The following PLAG1 variants were observed in gnomAD, a reference collection of about 807,000 sequenced individuals.
PLAG1 encodes the protein zinc finger protein PLAG1.
A neutral mutation model predicts 35.5 loss-of-function variants in PLAG1; 7 were observed. The observed-to-expected ratio is 0.20, with a 90% CI of 0.11 to 0.37. The LOEUF is 0.37. Among genes scored for constraint, PLAG1 ranks in the 10% least tolerant of loss-of-function variants. PLAG1 has a pLI of 1.00. For synonymous variants in PLAG1, 229 were observed against 225.4 expected (o/e 1.02, Z -0.14); for missense variants, 454 against 602.8 (o/e 0.75, Z 2.58).
At chr8:56,193,452 A>G (rs960496269) in intron 1 of PLAG1, among the ~76,000 whole-genome samples, 1 of 152,222 alleles carries the variant, frequency 6.6e-6, no homozygotes, top group Non-Finnish European at 1.5e-5. Context: ...GGGTACATAA[A>G]AAAAGCTGGT....
chr8:56,191,857 C>A (rs1480429103), intron 1 of PLAG1, among the ~76,000 whole-genome samples: 1 of 148,858 alleles, frequency 6.7e-6, no homozygotes, highest in East Asian at 2.0e-4. Flanking sequence ...TCTGAACTGC[C>A]AAAGTAGACA....
In PLAG1 at chr8:56,165,655, G is replaced by A. The variant is rs908637277; in HGVS notation, c.*588C>T. ...TCCTTAAAGGCTCATAATAAAGATGGCAAATATTTTAGCCAGACAACAGGG... is the reference window on the plus strand; with the variant it reads ...TCCTTAAAGGCTCATAATAAAGATGACAAATATTTTAGCCAGACAACAGGG... On this transcript the variant is annotated 3_prime_UTR_variant, in exon 5 of 5. Transcript: ENST00000316981. 5.1e-6 allele frequency: 1 copy of A among 197,928 alleles called. No individual in the cohort carries two copies. Among genetic ancestry groups the A allele is most frequent in the Non-Finnish European group, 1.0e-5 (1 of 95,634 alleles). 12.3% of individuals were successfully genotyped at this position (197,928 alleles called of 1,614,324 possible). A position where few individuals can be genotyped will look rare whatever the true frequency, so the allele number is the denominator to read the frequency against.
Position 56,162,745 on chromosome 8 carries a change from T to C in PLAG1, c.*3498A>G. On this transcript the variant is annotated 3_prime_UTR_variant, in exon 5 of 5. Transcript: ENST00000316981. ...AATATGTACTCTTTAACATTCATTA[T>C]TAGCTTAATAAAGCAATCGGCTCTG... 4.7e-6 allele frequency: 1 copy of C among 210,578 alleles called. No individual in the cohort carries two copies. The highest frequency in any genetic ancestry group is 7.2e-5 in the East Asian group (1 of 13,908). 13.0% of individuals were successfully genotyped at this position (210,578 alleles called of 1,614,324 possible). A position where few individuals can be genotyped will look rare whatever the true frequency, so the allele number is the denominator to read the frequency against.
intron 1 of PLAG1, chr8:56,209,214 A>G (rs2129236730): frequency 6.6e-6 from 1 of 152,380 alleles, no homozygotes; most frequent in African/African-American, 2.4e-5. Flanking sequence ...TACACCACAC[A>G]CCTTAAACTA....
At chr8:56,192,168 G>A (rs962173619) in intron 1 of PLAG1, among the ~76,000 whole-genome samples, 1 of 152,212 alleles carries the variant, frequency 6.6e-6, no homozygotes, top group African/African-American at 2.4e-5. Flanking sequence ...GCACTCCTGT[G>A]TACTACCAGC....
chr8:56,198,847 T>A (rs866077641), intron 1 of PLAG1, among the ~76,000 whole-genome samples: 13 of 152,348 alleles, frequency 8.5e-5, no homozygotes, highest in Non-Finnish European at 1.5e-4. Context: ...GGAGCTCTAC[T>A]AACTACTGTG....
rs563560185 is a variant in PLAG1, at chr8:56,164,793, C to T, written c.*1450G>A. On this transcript the variant is annotated 3_prime_UTR_variant, in exon 5 of 5. Transcript: ENST00000316981. Reference sequence around the variant, plus strand: ...TTATTCAGTGAATATAATATATTCTCAATTGTTATTTTCATGTTAACCAAG... The same window carrying T: ...TTATTCAGTGAATATAATATATTCTTAATTGTTATTTTCATGTTAACCAAG... The T allele has an allele frequency of 4.7e-6, 1 of 211,630 alleles. No individual in the cohort carries two copies. Among genetic ancestry groups the T allele is most frequent in the East Asian group, 7.1e-5 (1 of 14,060 alleles). The allele number at this position is 211,630 out of a possible 1,614,324, so 13.1% of individuals were successfully genotyped here.
intron 1 of PLAG1, among the ~76,000 whole-genome samples, chr8:56,202,640 T>C (rs560582114): frequency 6.6e-6 from 1 of 152,356 alleles, no homozygotes; most frequent in African/African-American, 2.4e-5. Context: ...TTCCCTGCAC[T>C]GAGGGATAAA....
At chr8:56,194,675 T>G (rs1812305133) in intron 1 of PLAG1, among the ~76,000 whole-genome samples, 1 of 151,976 alleles carries the variant, frequency 6.6e-6, no homozygotes, top group Non-Finnish European at 1.5e-5. Flanking sequence ...GCAGCATGCG[T>G]GTGGGGCAGG....
chr8:56,179,023 CAAAAAA>C (rs1173709224), intron 2 of PLAG1, among the ~76,000 whole-genome samples: 5 of 42,932 alleles, frequency 1.2e-4, no homozygotes, highest in South Asian at 1.3e-3. Flanking sequence ...GCCCAGGAGA[CAAAAAA>C]AAAAAAAAAA....
At chr8:56,177,176 G>A (rs760264361) in intron 2 of PLAG1, among the ~76,000 whole-genome samples, 1 of 152,168 alleles carries the variant, frequency 6.6e-6, no homozygotes, top group Non-Finnish European at 1.5e-5. Flanking sequence ...CATAAATGTT[G>A]TGTATGTGCT....
intron 1 of PLAG1, chr8:56,209,274 A>G (rs1317215611): frequency 3.3e-5 from 5 of 152,260 alleles, no homozygotes; most frequent in African/African-American, 1.2e-4. Context: ...AAGCAAAGCA[A>G]TGTAACATGA....
chr8:56,200,104 A>T (rs1812507345), intron 1 of PLAG1, among the ~76,000 whole-genome samples: 1 of 152,120 alleles, frequency 6.6e-6, no homozygotes, highest in Non-Finnish European at 1.5e-5. Context: ...CTGCAGAAGA[A>T]TGGGGCACGT....
chr8:56,174,036 T>TAA (rs1225328398), intron 2 of PLAG1, among the ~76,000 whole-genome samples: 2 of 152,212 alleles, frequency 1.3e-5, no homozygotes, highest in African/African-American at 4.8e-5. Flanking sequence ...CTGTGAATTT[T>TAA]TTCACTTACC....
chr8:56,201,037 C>T (rs958456992), intron 1 of PLAG1, among the ~76,000 whole-genome samples: 2 of 151,942 alleles, frequency 1.3e-5, no homozygotes, highest in South Asian at 4.2e-4. Context: ...AGGGGAGACA[C>T]AAAGGAAGAG....
At chr8:56,175,922 G>A (rs1316622315) in intron 2 of PLAG1, among the ~76,000 whole-genome samples, 3 of 152,100 alleles carry the variant, frequency 2.0e-5, no homozygotes, top group African/African-American at 7.2e-5. Context: ...AATGAAGAAG[G>A]AGTATCAAGT....
At chr8:56,175,964 C>A (rs531738329) in intron 2 of PLAG1, among the ~76,000 whole-genome samples, 1 of 151,762 alleles carries the variant, frequency 6.6e-6, no homozygotes, top group South Asian at 2.1e-4. Flanking sequence ...ACATATTTTC[C>A]TTGGTTGTTT....
intron 1 of PLAG1, among the ~76,000 whole-genome samples, chr8:56,201,971 T>TG (rs1554538880): frequency 6.6e-6 from 1 of 151,420 alleles, no homozygotes; most frequent in African/African-American, 2.4e-5. Flanking sequence ...TTTTTTTTTT[T>TG]TTTTGTTTTT....
At chr8:56,207,831 T>A (rs941339876) in intron 1 of PLAG1, among the ~76,000 whole-genome samples, 2 of 152,090 alleles carry the variant, frequency 1.3e-5, no homozygotes, top group Non-Finnish European at 2.9e-5. Context: ...CTGTGCCCCA[T>A]CTAAATAAGA....
Sources: allele counts gnomAD v4.1 joint callset (sites outside exome capture counted in the v4.1 genomes callset), GRCh38; gene constraint gnomAD v4.1.1; transcripts MANE v1.5; gene names NCBI Gene and HGNC (gene_info 2026-07-23, HGNC 2026-07-21).